Variants in MCC observed in about 807,000 individuals in gnomAD.
MCC encodes the protein MCC regulator of Wnt signaling pathway, also known as colorectal mutant cancer protein.
Under a neutral mutation model 116.2 loss-of-function variants are expected in MCC, and 90 were observed. That is an observed-to-expected ratio of 0.77 (90% CI 0.65 to 0.92). MCC has a LOEUF of 0.92. Among genes scored for constraint, MCC ranks in the 40% least tolerant of loss-of-function variants. The pLI, the probability that MCC is intolerant of heterozygous loss-of-function variation, is 0.00. For synonymous variants in MCC, 578 were observed against 510.5 expected (o/e 1.13, Z -1.78); for missense variants, 1,516 against 1,312.2 (o/e 1.16, Z -2.40).
chr5:113,112,721 CA>C (rs961404039), intron 6 of MCC, among the ~76,000 whole-genome samples: 4 of 152,166 alleles, frequency 2.6e-5, no homozygotes, highest in Non-Finnish European at 5.9e-5. Context: ...TCCAGAGACT[CA>C]CAGTGCTGGG....
At chr5:113,113,540 A>G (rs1757219968) in intron 6 of MCC, among the ~76,000 whole-genome samples, 1 of 151,892 alleles carries the variant, frequency 6.6e-6, no homozygotes, top group South Asian at 2.1e-4. Context: ...TTATGAGAAC[A>G]ATGTTGTGGT....
rs772111444 is a variant in MCC at position 113,122,733 on chromosome 5, G to A, written c.978C>T (p.Thr326=). The change falls in exon 6 of 19, where the codon ACC becomes ACT. Residue 326 remains threonine, a synonymous_variant. Coordinates refer to ENST00000408903, the MANE Select transcript of MCC (RefSeq NM_001085377.2). ...EDSRSMDQDQ[T]SVSIPENQST... ...ACTGGTTTTCGGGGATAGAGACAGAGGTCTGGTCTTGGTCCATGCTTCGAG... is the reference window on the plus strand; with the variant it reads ...ACTGGTTTTCGGGGATAGAGACAGAAGTCTGGTCTTGGTCCATGCTTCGAG... 1.9e-6 allele frequency: 3 copies of A among 1,614,186 alleles called. No individual in the cohort carries two copies. The highest frequency in any genetic ancestry group is 1.1e-5 in the South Asian group (1 of 91,084).
chr5:113,286,867 T>C (rs1186736217), intron 3 of MCC, among the ~76,000 whole-genome samples: 2 of 152,332 alleles, frequency 1.3e-5, no homozygotes, highest in Non-Finnish European at 2.9e-5. Flanking sequence ...TGAAAAGGTT[T>C]CCTCTTTCCT....
In MCC at chr5:113,038,115, T is replaced by C. The variant is rs190049723; in HGVS notation, c.2756+5415A>G. On this transcript the variant is annotated intron_variant, in intron 17 of 18. Coordinates refer to ENST00000408903, the MANE Select transcript of MCC (RefSeq NM_001085377.2). ...GGAATTATGACCTGCTGACGAGAGG[T>C]AGGGAGGGGAGACTTACAAGTTATA... Among the ~76,000 whole-genome samples, 4 of 151,716 alleles carry C rather than the reference T, an allele frequency of 2.6e-5. 1 individual carries two copies. Among genetic ancestry groups the C allele is most frequent in the African/African-American group, 4.8e-5 (2 of 41,334 alleles).
intron 3 of MCC, among the ~76,000 whole-genome samples, chr5:113,229,110 C>T (rs1220721153): frequency 6.6e-6 from 1 of 152,064 alleles, no homozygotes; most frequent in Non-Finnish European, 1.5e-5. Context: ...TTTTTTACAG[C>T]CCTGGCACTG....
At chr5:113,292,475 C>T (rs1014933237) in intron 3 of MCC, among the ~76,000 whole-genome samples, 2 of 152,138 alleles carry the variant, frequency 1.3e-5, no homozygotes, top group Non-Finnish European at 2.9e-5. Context: ...TCATATACTG[C>T]TCAAATAGTT....
chr5:113,077,592 T>C (rs1351789107), intron 11 of MCC, among the ~76,000 whole-genome samples: 1 of 152,218 alleles, frequency 6.6e-6, no homozygotes, highest in Non-Finnish European at 1.5e-5. Context: ...GAAATAAAGA[T>C]GTTCTTTGAA....
intron 14 of MCC, among the ~76,000 whole-genome samples, chr5:113,062,360 G>C (rs766434011): frequency 2.4e-4 from 36 of 152,314 alleles, no homozygotes; most frequent in Middle Eastern, 6.8e-3. Flanking sequence ...TAAATAGATG[G>C]TGATAAAATT....
chr5:113,335,289 AC>A (rs1767844576), intron 3 of MCC, among the ~76,000 whole-genome samples: 1 of 151,768 alleles, frequency 6.6e-6, no homozygotes, highest in South Asian at 2.1e-4. Flanking sequence ...ACAAATGATT[AC>A]TTTTACTTCT....
rs1208897579 is a variant in MCC, at chr5:113,283,341, C to A, written c.627+57178G>T. 3.9e-5 allele frequency among the ~76,000 whole-genome samples: 6 copies of A among 152,178 alleles called. No individual in the cohort carries two copies. In the East Asian group the frequency reaches 1.2e-3, roughly 29 times the overall value. On this transcript the variant is annotated intron_variant, in intron 3 of 18. Transcript: ENST00000408903. Reference sequence around the variant, plus strand: ...AACTCAACATCAACAAAAGCCAAACCAGATTTAAAAATAGGTTAAGGACTT... The same window carrying A: ...AACTCAACATCAACAAAAGCCAAACAAGATTTAAAAATAGGTTAAGGACTT...
intron 9 of MCC, among the ~76,000 whole-genome samples, chr5:113,084,709 GC>G (rs1386040750): frequency 6.6e-6 from 1 of 152,170 alleles, no homozygotes; most frequent in African/African-American, 2.4e-5. Flanking sequence ...AGTCAGTGGG[GC>G]TACTTCTCAC....
intron 3 of MCC, among the ~76,000 whole-genome samples, chr5:113,231,708 C>T (rs866217076): frequency 5.9e-5 from 9 of 152,092 alleles, no homozygotes; most frequent in South Asian, 4.1e-4. Context: ...CTAAGATAGT[C>T]GTGATTACCA....
In MCC at chr5:113,043,093, A is replaced by C. The variant is rs55709917; in HGVS notation, c.2756+437T>G. On this transcript the variant is annotated intron_variant, in intron 17 of 18. Coordinates refer to ENST00000408903, the MANE Select transcript of MCC (RefSeq NM_001085377.2). Reference sequence around the variant, plus strand: ...TAAAGAACTGGGGGGCGGTGAGGGGAAAGAAACACTGAAATAATAGAGGAA... The same window carrying C: ...TAAAGAACTGGGGGGCGGTGAGGGGCAAGAAACACTGAAATAATAGAGGAA... Among the ~76,000 whole-genome samples the C allele has an allele frequency of 3.4e-3, 525 of 152,252 alleles. 1 individual carries two copies. The highest frequency in any genetic ancestry group is 6.1e-3 in the Admixed American group (94 of 15,292).
intron 3 of MCC, among the ~76,000 whole-genome samples, chr5:113,263,329 T>C (rs1210709856): frequency 1.3e-5 from 2 of 152,198 alleles, no homozygotes; most frequent in South Asian, 4.1e-4. Flanking sequence ...GGAAATGGAA[T>C]CTACAAGAGG....
chr5:113,115,112 T>C (rs957940176), intron 6 of MCC, among the ~76,000 whole-genome samples: 3 of 152,158 alleles, frequency 2.0e-5, no homozygotes, highest in Non-Finnish European at 4.4e-5. Context: ...CCTGAGACGC[T>C]ACTGTGGGGC....
At chr5:113,156,770 G>A (rs535993523) in intron 3 of MCC, among the ~76,000 whole-genome samples, 1 of 152,310 alleles carries the variant, frequency 6.6e-6, no homozygotes, top group South Asian at 2.1e-4. Flanking sequence ...TTTGAGCCCT[G>A]CTTCACATTC....
chr5:113,305,637 T>A (rs991817318), intron 3 of MCC, among the ~76,000 whole-genome samples: 5 of 152,186 alleles, frequency 3.3e-5, no homozygotes, highest in Non-Finnish European at 2.9e-5. Flanking sequence ...CTTGTCACCT[T>A]ACATTTTGGT....
At chr5:113,331,144 C>CATAGATTGCATCACCAGCTCTCACA (rs1767687152) in intron 3 of MCC, among the ~76,000 whole-genome samples, 1 of 151,908 alleles carries the variant, frequency 6.6e-6, no homozygotes, top group African/African-American at 2.4e-5. Flanking sequence ...TGGAGAGGTT[C>CATAGATTGCATCACCAGCTCTCACA]TGGGTTCCTG....
chr5:113,053,618 C>T, intron 15 of MCC, 107 bp downstream of exon 15: 1 of 736,070 alleles, frequency 1.4e-6, no homozygotes, highest in Admixed American at 2.5e-5. Context: ...TAGCTCTTCT[C>T]TGGGCAGGAG....
Sources: gnomAD v4.1 joint callset for allele counts (sites outside exome capture counted in the v4.1 genomes callset) on GRCh38, gnomAD v4.1.1 for gene constraint, MANE v1.5 for transcripts, NCBI Gene and HGNC (gene_info 2026-07-23, HGNC 2026-07-21) for gene names.